The following HIP1 variants were observed in gnomAD, a reference collection of about 807,000 sequenced individuals.
HIP1 encodes the protein huntingtin-interacting protein 1.
HIP1 carries 65 observed loss-of-function variants against 147.6 expected under a neutral mutation model. The ratio of observed to expected loss-of-function variants is 0.44; its 90% CI spans 0.36 to 0.54. HIP1 has a LOEUF of 0.54. HIP1 is among the 20% of genes least tolerant of loss of function. HIP1 has a pLI of 0.00. For missense variants in HIP1, 1,061 were observed against 1,299.6 expected (o/e 0.82, Z 2.82); for synonymous variants, 479 against 504.0 (o/e 0.95, Z 0.67).
At chr7:75,618,325 A>G (rs1387582533) in intron 1 of HIP1, among the ~76,000 whole-genome samples, 1 of 151,926 alleles carries the variant, frequency 6.6e-6, no homozygotes, top group Admixed American at 6.6e-5. Flanking sequence ...CTAATTTTAT[A>G]TTTTTAGTAG....
intron 25 of HIP1, among the ~76,000 whole-genome samples, 193 bp downstream of exon 25, chr7:75,546,746 C>T (rs1794579051): frequency 6.6e-6 from 1 of 152,212 alleles, no homozygotes; most frequent in Non-Finnish European, 1.5e-5. Flanking sequence ...AGTTGGGACA[C>T]ATGCCTGGCC....
intron 2 of HIP1, among the ~76,000 whole-genome samples, chr7:75,598,428 CT>C (rs148833979): frequency 1.3e-4 from 19 of 143,114 alleles, no homozygotes; most frequent in Admixed American, 4.2e-4. Context: ...CTCTCTTTTT[CT>C]TTTTTTTTTG....
At chr7:75,673,687 T>C (rs1670833700) in intron 1 of HIP1, among the ~76,000 whole-genome samples, 1 of 152,014 alleles carries the variant, frequency 6.6e-6, no homozygotes, top group African/African-American at 2.4e-5. Flanking sequence ...AACTAAATTT[T>C]TAAATATTAA....
At chr7:75,553,166 G>A (rs1794851538) in intron 22 of HIP1, among the ~76,000 whole-genome samples, 1 of 152,010 alleles carries the variant, frequency 6.6e-6, no homozygotes. Flanking sequence ...TCTAGCTCTT[G>A]ACCTCAAGTG....
At chr7:75,585,588 C>T (rs1796235639) in intron 5 of HIP1, among the ~76,000 whole-genome samples, 1 of 151,912 alleles carries the variant, frequency 6.6e-6, no homozygotes, top group Non-Finnish European at 1.5e-5. Flanking sequence ...TCCACACTCT[C>T]AGCCTCTCCC....
At chr7:75,726,703 CT>C (rs797038208) in intron 1 of HIP1, among the ~76,000 whole-genome samples, 214 of 133,390 alleles carry the variant, frequency 1.6e-3, no homozygotes, top group Middle Eastern at 8.1e-3. Flanking sequence ...AAATGTTTTT[CT>C]TTTTTTTTTT....
intron 27 of HIP1, among the ~76,000 whole-genome samples, chr7:75,544,209 T>TA (rs1204035332): frequency 6.7e-6 from 1 of 148,700 alleles, no homozygotes; most frequent in Non-Finnish European, 1.5e-5. Context: ...AAGAGGATAG[T>TA]ATGGGACCCT....
chr7:75,711,579 A>G (rs1403240090), intron 1 of HIP1, among the ~76,000 whole-genome samples: 1 of 152,184 alleles, frequency 6.6e-6, no homozygotes, highest in Admixed American at 6.5e-5. Context: ...TGGAAGGGAC[A>G]TTTGAGATCA....
rs587648670 is a variant in HIP1, at chr7:75,534,487, G to A, written c.*3685C>T. The stretch of plus-strand genomic sequence containing the variant: ...CTCACTCTGTGACCCAGGCTGGAGT[G>A]CAGTGGTGCGATCTTGGCTCACTAC... On this transcript the variant is annotated 3_prime_UTR_variant, in exon 31 of 31. Transcript: ENST00000336926. 2.7e-4 allele frequency: 49 copies of A among 178,340 alleles called. No individual in the cohort carries two copies. Among genetic ancestry groups the A allele is most frequent in the African/African-American group, 1.1e-3 (47 of 41,838 alleles). 11.0% of individuals were successfully genotyped at this position (178,340 alleles called of 1,614,324 possible).
Position 75,608,310 on chromosome 7 carries a change from A to G in HIP1, c.121-9063T>C, listed in dbSNP as rs587620057. Among the ~76,000 whole-genome samples the G allele has an allele frequency of 3.9e-5, 6 of 152,278 alleles. No individual in the cohort carries two copies. The South Asian group carries it at 1.2e-3, about 32-fold the overall frequency. ...TGACAGAGAGAAACTCCGTCTCAAA[A>G]GAAAACAAAAAAAAGAATTAAGGTG... On this transcript the variant is annotated intron_variant, in intron 1 of 30. Coordinates refer to ENST00000336926, the MANE Select transcript of HIP1 (RefSeq NM_005338.7).
intron 1 of HIP1, among the ~76,000 whole-genome samples, chr7:75,711,982 G>A (rs1238608052): frequency 6.6e-6 from 1 of 152,114 alleles, no homozygotes; most frequent in African/African-American, 2.4e-5. Context: ...CAAGGAGAAG[G>A]TATTTTTAAA....
At chr7:75,672,087 C>T (rs1457377360) in intron 1 of HIP1, among the ~76,000 whole-genome samples, 1 of 152,180 alleles carries the variant, frequency 6.6e-6, no homozygotes, top group Admixed American at 6.5e-5. Context: ...GGTGTTATCT[C>T]ACTGTAGTTT....
At chr7:75,574,309 C>T (rs1199443062) in intron 7 of HIP1, among the ~76,000 whole-genome samples, 3 of 151,348 alleles carry the variant, frequency 2.0e-5, no homozygotes, top group Non-Finnish European at 4.4e-5. Context: ...GTGGTTTTGG[C>T]AGGGTGTGGT....
chr7:75,734,131 A>G (rs1317547839), intron 1 of HIP1, among the ~76,000 whole-genome samples: 1 of 152,018 alleles, frequency 6.6e-6, no homozygotes, highest in Non-Finnish European at 1.5e-5. Context: ...CTGTAATCCC[A>G]GCTACTCGAG....
At chr7:75,706,483 A>ATTTTTTTTTTTTTT (rs1416497325) in intron 1 of HIP1, among the ~76,000 whole-genome samples, 1 of 79,870 alleles carries the variant, frequency 1.3e-5, no homozygotes, top group Non-Finnish European at 2.6e-5. Context: ...CTTTTTTTTT[A>ATTTTTTTTTTTTTT]TTTTTTTTTT....
At chr7:75,668,621 G>A (rs1799630099) in intron 1 of HIP1, among the ~76,000 whole-genome samples, 1 of 151,884 alleles carries the variant, frequency 6.6e-6, no homozygotes, top group Admixed American at 6.6e-5. Flanking sequence ...CACCACCCCT[G>A]GCCGGGACTT....
At chr7:75,720,300 A>T (rs1260602801) in intron 1 of HIP1, among the ~76,000 whole-genome samples, 1 of 152,178 alleles carries the variant, frequency 6.6e-6, no homozygotes, top group East Asian at 1.9e-4. Context: ...AGCTGGGACT[A>T]CAGGTGCCTG....
chr7:75,695,471 C>T (rs1554518655), intron 1 of HIP1, among the ~76,000 whole-genome samples: 1 of 152,208 alleles, frequency 6.6e-6, no homozygotes, highest in Admixed American at 6.6e-5. Context: ...AGCTCTGGGT[C>T]AGCTTCTCCA....
intron 1 of HIP1, among the ~76,000 whole-genome samples, chr7:75,701,587 T>C (rs1554519184): frequency 1.3e-5 from 2 of 151,988 alleles, no homozygotes; most frequent in East Asian, 3.9e-4. Context: ...TGGTGGAGCA[T>C]GCCTGTAGTC....
Sources: allele counts gnomAD v4.1 joint callset (sites outside exome capture counted in the v4.1 genomes callset), GRCh38; gene constraint gnomAD v4.1.1; transcripts MANE v1.5; gene names NCBI Gene and HGNC (gene_info 2026-07-23, HGNC 2026-07-21).